Variants in BCS1L observed in about 807,000 individuals in gnomAD.
The protein encoded by BCS1L is BCS1 ubiquinol-cytochrome c reductase complex chaperone, also known as mitochondrial chaperone BCS1.
In BCS1L, 38 loss-of-function variants were observed where a neutral mutation model predicts 49.3. That is an observed-to-expected ratio of 0.77 (90% CI 0.59 to 1.01). The LOEUF (loss-of-function observed/expected upper bound fraction) is 1.01, where lower values mean the gene tolerates loss of function less well. Among genes scored for constraint, BCS1L ranks in the 50% least tolerant of loss-of-function variants. The probability of loss-of-function intolerance (pLI) is 0.00; values close to 1 mark genes in which losing one functional copy is unlikely to be tolerated. For missense variants in BCS1L, 394 were observed against 540.2 expected (o/e 0.73, Z 2.68); for synonymous variants, 193 against 210.1 (o/e 0.92, Z 0.70).
rs915424587 is a variant in BCS1L, at chr2:218,659,736, T to G, written c.-57T>G. 2 of 147,068 alleles carry G rather than the reference T, an allele frequency of 1.4e-5. No individual in the cohort carries two copies. The highest frequency in any genetic ancestry group is 3.0e-5 in the Non-Finnish European group (2 of 66,454). The allele number at this position is 147,068 out of a possible 1,614,324, so 9.1% of individuals were successfully genotyped here. ...ACCATCGAGACGGAGGGCCAGAGAG[T>G]CACGGCGGTGAGAGGGCTGAGTGAC... is the stretch of plus-strand genomic sequence containing the variant. On this transcript the variant is annotated 5_prime_UTR_variant, in exon 1 of 8. Coordinates refer to ENST00000359273, the MANE Select transcript of BCS1L (RefSeq NM_001079866.2). The surrounding 1 kb of genome is among the most constrained non-coding windows in gnomAD (Gnocchi z 4.4).
chr2:218,662,427 T>A lies in BCS1L; in HGVS notation c.720-83T>A. 1 of 1,578,860 alleles carries A rather than the reference T, an allele frequency of 6.3e-7. No homozygotes were observed. Among genetic ancestry groups the A allele is most frequent in the Middle Eastern group, 1.7e-4 (1 of 5,860 alleles). On this transcript the variant is annotated intron_variant, in intron 5 of 7. Transcript: ENST00000359273. The surrounding 1 kb of genome is among the most constrained non-coding windows in gnomAD (Gnocchi z 5.8). ...AGAAGTCAGGCCTCTGAGACACATGTCCCCAGGCGGTGAGGAGAGTAGCTG... is the reference window on the plus strand; with the variant it reads ...AGAAGTCAGGCCTCTGAGACACATGACCCCAGGCGGTGAGGAGAGTAGCTG...
At position 218,662,812 on chromosome 2, in the gene BCS1L, A is replaced by G; in HGVS notation, c.890-71A>G. On this transcript the variant is annotated intron_variant, in intron 6 of 7. Coordinates refer to ENST00000359273, the MANE Select transcript of BCS1L (RefSeq NM_001079866.2). This position sits in a 1 kb window ranked among gnomAD's most constrained non-coding sequence, Gnocchi z 5.8. ...ACAAGACACATGGATAAGTAGGGGAACATAGTGGGGCATGCTAATTTTATG... is the reference window on the plus strand; with the variant it reads ...ACAAGACACATGGATAAGTAGGGGAGCATAGTGGGGCATGCTAATTTTATG... 1 of 1,579,426 alleles carries G rather than the reference A, an allele frequency of 6.3e-7. No individual in the cohort carries two copies.
At position 218,662,276 on chromosome 2, in the gene BCS1L, T is replaced by G; in HGVS notation, c.719+16T>G. On this transcript the variant is annotated intron_variant, in intron 5 of 7. Transcript: ENST00000359273. The surrounding 1 kb of genome is among the most constrained non-coding windows in gnomAD (Gnocchi z 5.8). ...GCAGTTTTATGTGAGTATTCAAAAT[T>G]TCTCTCAACTTGGCAAAACGAAGCC... 6.2e-7 allele frequency: 1 copy of G among 1,612,078 alleles called. No individual in the cohort carries two copies. Among genetic ancestry groups the G allele is most frequent in the Non-Finnish European group, 8.5e-7 (1 of 1,178,188 alleles).
intron 1 of BCS1L, chr2:218,660,595 C>T (rs1342402159): frequency 4.3e-6 from 1 of 234,996 alleles, no homozygotes; most frequent in Non-Finnish European, 8.4e-6. Flanking sequence ...GGACGCTTCT[C>T]CCTTGCTGAC....
In BCS1L at chr2:218,661,283, C is replaced by T. The variant is rs121908572; in HGVS notation, c.296C>T (p.Pro99Leu). The change falls in exon 2 of 8, where the codon CCC becomes CTC. Residue 99 changes from proline to leucine, a missense_variant. Coordinates refer to ENST00000359273, the MANE Select transcript of BCS1L (RefSeq NM_001079866.2). The surrounding 1 kb of genome is among the most constrained non-coding windows in gnomAD (Gnocchi z 5.9). ...ATTTCCACTAAGTTTGAATTTGTCCCCAGCCCTGGAAACCATTTTATCTGG... is the reference window on the plus strand; with the variant it reads ...ATTTCCACTAAGTTTGAATTTGTCCTCAGCCCTGGAAACCATTTTATCTGG... Reference protein sequence around the residue: ...GRISTKFEFVPSPGNHFIWYR... With the variant: ...GRISTKFEFVLSPGNHFIWYR... 1 of 1,614,170 alleles carries T rather than the reference C, an allele frequency of 6.2e-7. No homozygotes were observed.
At position 218,661,712 on chromosome 2, in the gene BCS1L, C is replaced by T. The variant is rs1939468044; in HGVS notation, c.461-47C>T. The T allele has an allele frequency of 6.3e-7, 1 of 1,597,576 alleles. No individual in the cohort carries two copies. The highest frequency in any genetic ancestry group is 1.7e-5 in the Admixed American group (1 of 58,012). ...CAGCTCCACCTAATTGAAGAATCAGCCATGGTGAAGAGAATTATTGGCTTT... is the reference window on the plus strand; with the variant it reads ...CAGCTCCACCTAATTGAAGAATCAGTCATGGTGAAGAGAATTATTGGCTTT... On this transcript the variant is annotated intron_variant, in intron 3 of 7. Transcript: ENST00000359273. The surrounding 1 kb of genome is among the most constrained non-coding windows in gnomAD (Gnocchi z 5.9).
At chr2:218,663,111 C>T (rs1312632853) in intron 7 of BCS1L, 23 bp from the exon 8 acceptor site, 15 of 1,614,066 alleles carry the variant, frequency 9.3e-6, no homozygotes, top group Non-Finnish European at 1.2e-5. Flanking sequence ...CTAGTGTGAC[C>T]TGCTTTCCCT....
rs386833856 is a variant in BCS1L at position 218,661,308 on chromosome 2, G to A, written c.320+1G>A. On this transcript the variant is annotated splice_donor_variant, in intron 2 of 7. Transcript: ENST00000359273. LOFTEE classifies it high-confidence loss of function. This position sits in a 1 kb window ranked among gnomAD's most constrained non-coding sequence, Gnocchi z 5.9. ...CCAGCCCTGGAAACCATTTTATCTG[G>A]TAAGGTGGGGAGCTAGGGAGGGCTG... 1.2e-6 allele frequency: 2 copies of A among 1,614,214 alleles called. No individual in the cohort carries two copies. Among genetic ancestry groups the A allele is most frequent in the East Asian group, 2.2e-5 (1 of 44,890 alleles).
chr2:218,662,190 T>C lies in BCS1L; in HGVS notation c.656-7T>C, dbSNP rs949856961. Reference sequence around the variant, plus strand: ...AAAAGACATGATCATCCTGGCTCTATCCCTAGGCATTCCTTACAGACGTGG... The same window carrying C: ...AAAAGACATGATCATCCTGGCTCTACCCCTAGGCATTCCTTACAGACGTGG... On this transcript the variant is annotated splice_region_variant and splice_polypyrimidine_tract_variant and intron_variant, in intron 4 of 7. Transcript: ENST00000359273. This position sits in a 1 kb window ranked among gnomAD's most constrained non-coding sequence, Gnocchi z 5.8. 3.9e-5 allele frequency: 63 copies of C among 1,613,656 alleles called. No individual in the cohort carries two copies. Among genetic ancestry groups the C allele is most frequent in the Non-Finnish European group, 5.1e-5 (60 of 1,179,696 alleles).
At position 218,661,288 on chromosome 2, in the gene BCS1L, C is replaced by T. The variant is rs1939388771; in HGVS notation, c.301C>T (p.Pro101Ser). ...CACTAAGTTTGAATTTGTCCCCAGC[C>T]CTGGAAACCATTTTATCTGGTAAGG... ...ISTKFEFVPS[P>S]GNHFIWYRGK... is the part of the protein sequence containing the mutation. Residue 101 changes from proline (P) to serine (S), a missense_variant, in exon 2 of 8, where the codon CCT becomes TCT. Transcript: ENST00000359273. The surrounding 1 kb of genome is among the most constrained non-coding windows in gnomAD (Gnocchi z 5.9). 1 of 1,614,172 alleles carries T rather than the reference C, an allele frequency of 6.2e-7. No individual in the cohort carries two copies. The highest frequency in any genetic ancestry group is 8.5e-7 in the Non-Finnish European group (1 of 1,180,036).
upstream of BCS1L, chr2:218,659,624 G>A (rs972639117): frequency 6.6e-6 from 1 of 152,304 alleles, no homozygotes; most frequent in Non-Finnish European, 1.5e-5. The surrounding 1 kb of genome is among the most constrained non-coding windows in gnomAD (Gnocchi z 4.4). Flanking sequence ...AGAGTGGCGT[G>A]GGCTTCTCTG....
At position 218,662,754 on chromosome 2, in the gene BCS1L, G is replaced by A. The variant is rs1939619918; in HGVS notation, c.889+75G>A. On this transcript the variant is annotated intron_variant, in intron 6 of 7. Coordinates refer to ENST00000359273, the MANE Select transcript of BCS1L (RefSeq NM_001079866.2). The surrounding 1 kb of genome is among the most constrained non-coding windows in gnomAD (Gnocchi z 5.8). Reference sequence around the variant, plus strand: ...GAAGAAAGCAGAAATCCAGAGGGCTGGTGGAAGATGCCTGGGTTAGTGACA... The same window carrying A: ...GAAGAAAGCAGAAATCCAGAGGGCTAGTGGAAGATGCCTGGGTTAGTGACA... The A allele has an allele frequency of 1.9e-6, 3 of 1,608,952 alleles. No homozygotes were observed. Among genetic ancestry groups the A allele is most frequent in the Non-Finnish European group, 1.7e-6 (2 of 1,175,872 alleles).
chr2:218,659,154 T>C (rs1938991536), upstream of BCS1L: 1 of 152,306 alleles, frequency 6.6e-6, no homozygotes, highest in Non-Finnish European at 1.5e-5. The surrounding 1 kb of genome is among the most constrained non-coding windows in gnomAD (Gnocchi z 4.4). Context: ...ATCGTCATGA[T>C]TTTGTCCTGA....
In BCS1L at chr2:218,661,132, A is replaced by G; in HGVS notation, c.145A>G (p.Ile49Val). 6.2e-7 allele frequency: 1 copy of G among 1,614,162 alleles called. No individual in the cohort carries two copies. Among genetic ancestry groups the G allele is most frequent in the South Asian group, 1.1e-5 (1 of 91,086 alleles). ...GLVAFRRHYMITLEVPARDRS... is the reference protein window; with the variant it reads ...GLVAFRRHYMVTLEVPARDRS... Reference sequence around the variant, plus strand: ...GGTGGCATTCCGGCGCCATTACATGATCACACTGGAAGTCCCTGCTCGAGA... The same window carrying G: ...GGTGGCATTCCGGCGCCATTACATGGTCACACTGGAAGTCCCTGCTCGAGA... The change falls in exon 2 of 8, where the codon ATC becomes GTC. Residue 49 changes from isoleucine (I) to valine (V), a missense_variant. Transcript: ENST00000359273. The surrounding 1 kb of genome is among the most constrained non-coding windows in gnomAD (Gnocchi z 5.9).
At position 218,662,355 on chromosome 2, in the gene BCS1L, G is replaced by C. The variant is rs987394479; in HGVS notation, c.719+95G>C. The C allele has an allele frequency of 6.7e-7, 1 of 1,501,522 alleles. No individual in the cohort carries two copies. The allele number at this position is 1,501,522 out of a possible 1,614,324, so 93.0% of individuals were successfully genotyped here. ...GGAAGGGGAAATGAATCTGGGGATC[G>C]GGGACCAGGATAAACATGAAACGTG... On this transcript the variant is annotated intron_variant, in intron 5 of 7. Transcript: ENST00000359273. This position sits in a 1 kb window ranked among gnomAD's most constrained non-coding sequence, Gnocchi z 5.8.
At position 218,662,169 on chromosome 2, in the gene BCS1L, G is replaced by T; in HGVS notation, c.656-28G>T. On this transcript the variant is annotated intron_variant, in intron 4 of 7. Coordinates refer to ENST00000359273, the MANE Select transcript of BCS1L (RefSeq NM_001079866.2). This position sits in a 1 kb window ranked among gnomAD's most constrained non-coding sequence, Gnocchi z 5.8. ...ATGAACGTAGATATCCGGGGCAAAAGACATGATCATCCTGGCTCTATCCCT... is the reference window on the plus strand; with the variant it reads ...ATGAACGTAGATATCCGGGGCAAAATACATGATCATCCTGGCTCTATCCCT... 6.2e-7 allele frequency: 1 copy of T among 1,610,416 alleles called. No homozygotes were observed. Among genetic ancestry groups the T allele is most frequent in the South Asian group, 1.1e-5 (1 of 91,014 alleles).
Position 218,662,851 on chromosome 2 carries a change from A to C in BCS1L, c.890-32A>C. On this transcript the variant is annotated intron_variant, in intron 6 of 7. Transcript: ENST00000359273. This position sits in a 1 kb window ranked among gnomAD's most constrained non-coding sequence, Gnocchi z 5.8. ...GCTAATTTTATGCTGGGCTATGACT[A>C]CTCATGCTTCCTTATCTTTGCCTTC... is the stretch of plus-strand genomic sequence containing the variant. 6.2e-7 allele frequency: 1 copy of C among 1,603,804 alleles called. No individual in the cohort carries two copies. The highest frequency in any genetic ancestry group is 2.2e-5 in the East Asian group (1 of 44,822).
In BCS1L at chr2:218,662,721, G is replaced by T. The variant is rs890961719; in HGVS notation, c.889+42G>T. 5 of 1,613,636 alleles carry T rather than the reference G, an allele frequency of 3.1e-6. 1 individual carries two copies. The highest frequency in any genetic ancestry group is 4.2e-6 in the Non-Finnish European group (5 of 1,179,914). On this transcript the variant is annotated intron_variant, in intron 6 of 7. Transcript: ENST00000359273. The surrounding 1 kb of genome is among the most constrained non-coding windows in gnomAD (Gnocchi z 5.8). The stretch of plus-strand genomic sequence containing the variant: ...GGAGGAAGTGGAGTGGGTAACTGTG[G>T]AACAGGGGAAGAAAGCAGAAATCCA...
chr2:218,658,825 G>C (rs932288945), upstream of BCS1L: 5 of 152,314 alleles, frequency 3.3e-5, no homozygotes, highest in African/African-American at 1.2e-4. Context: ...GGGTGAGGTA[G>C]GAGACAGGTG....
Sources: gnomAD v4.1 joint callset for allele counts on GRCh38, gnomAD v4.1.1 for gene constraint, Gnocchi (gnomAD v3.1) non-coding constraint, MANE v1.5 for transcripts, NCBI Gene and HGNC (gene_info 2026-07-23, HGNC 2026-07-21) for gene names.